EHBP1: variants seen among roughly 807,000 people sequenced by gnomAD.
EHBP1 encodes the protein EH domain-binding protein 1.
In EHBP1, 55 loss-of-function variants were observed where a neutral mutation model predicts 144.0. The observed-to-expected ratio is 0.38, with a 90% CI of 0.31 to 0.48. The LOEUF is 0.48. EHBP1 is among the 20% of genes least tolerant of loss of function. EHBP1 has a pLI of 0.98. For missense variants in EHBP1, 1,200 were observed against 1,364.2 expected (o/e 0.88, Z 1.90); for synonymous variants, 469 against 472.7 (o/e 0.99, Z 0.10).
At chr2:62,944,476 G>GTAGCTTAGGTA (rs2056952360) in intron 12 of EHBP1, among the ~76,000 whole-genome samples, 1 of 152,138 alleles carries the variant, frequency 6.6e-6, no homozygotes, top group African/African-American at 2.4e-5. Flanking sequence ...GTGCAGCTTT[G>GTAGCTTAGGTA]TAGCTTAGGT....
chr2:62,930,489 A>G (rs572741537), intron 10 of EHBP1, among the ~76,000 whole-genome samples: 4 of 152,360 alleles, frequency 2.6e-5, no homozygotes, highest in South Asian at 4.1e-4. Flanking sequence ...ATTCTTATAA[A>G]GATCCCAATA....
chr2:62,916,420 C>G (rs1477097573), intron 10 of EHBP1, among the ~76,000 whole-genome samples: 1 of 151,640 alleles, frequency 6.6e-6, no homozygotes, highest in Non-Finnish European at 1.5e-5. Flanking sequence ...GGTGAAACTC[C>G]AGCTCTACTA....
chr2:62,864,833 C>T lies in EHBP1; in HGVS notation c.860C>T (p.Pro287Leu), dbSNP rs1350460439. ...KEVQTPQYLNPFDEPEAFVTI... is the reference protein window; with the variant it reads ...KEVQTPQYLNLFDEPEAFVTI... ...GTGCAGACTCCACAGTATTTGAACCCATTCGATGAGCCAGAAGCATTTGTG... is the reference window on the plus strand; with the variant it reads ...GTGCAGACTCCACAGTATTTGAACCTATTCGATGAGCCAGAAGCATTTGTG... Residue 287 changes from proline (P) to leucine (L), a missense_variant, in exon 9 of 23, where the codon CCA becomes CTA. This residue lies in a region of EHBP1 where 266 missense variants were observed against 262.4 expected (regional missense o/e 1.01). Transcript: ENST00000431489. The T allele has an allele frequency of 3.1e-6, 5 of 1,614,050 alleles. No individual in the cohort carries two copies. The South Asian group carries it at 3.3e-5, about 11-fold the overall frequency.
intron 10 of EHBP1, among the ~76,000 whole-genome samples, chr2:62,900,749 A>G (rs2152944615): frequency 6.7e-6 from 1 of 150,038 alleles, no homozygotes; most frequent in Admixed American, 6.6e-5. Flanking sequence ...TCAAGATTTG[A>G]GAAATTATAG....
At chr2:62,928,490 G>GGA (rs2055712748) in intron 10 of EHBP1, among the ~76,000 whole-genome samples, 1 of 151,944 alleles carries the variant, frequency 6.6e-6, no homozygotes, top group South Asian at 2.1e-4. Flanking sequence ...ATAACAAAGA[G>GGA]GACAGCATTC....
intron 15 of EHBP1, among the ~76,000 whole-genome samples, chr2:62,990,429 A>T (rs182044871): frequency 6.6e-6 from 1 of 152,282 alleles, no homozygotes; most frequent in Admixed American, 6.5e-5. Context: ...TGCTTATATA[A>T]ATGTATACAT....
chr2:62,723,041 G>C (rs977403509), intron 2 of EHBP1, among the ~76,000 whole-genome samples: 3 of 152,272 alleles, frequency 2.0e-5, no homozygotes, highest in East Asian at 1.9e-4. Flanking sequence ...CCAGTGCTGG[G>C]TTCAGGTCCT....
intron 10 of EHBP1, among the ~76,000 whole-genome samples, chr2:62,931,986 G>A (rs186788314): frequency 9.8e-4 from 149 of 152,064 alleles, no homozygotes; most frequent in Admixed American, 1.5e-3. Flanking sequence ...AGACCAGCCT[G>A]GCCAACATGG....
chr2:62,829,532 A>G (rs1422415303), intron 6 of EHBP1, among the ~76,000 whole-genome samples: 1 of 150,530 alleles, frequency 6.6e-6, no homozygotes, highest in Non-Finnish European at 1.5e-5. Flanking sequence ...TGCAAATGCC[A>G]TTATTTTGTT....
chr2:62,720,047 G>T (rs573691736), intron 2 of EHBP1, among the ~76,000 whole-genome samples: 1 of 152,300 alleles, frequency 6.6e-6, no homozygotes, highest in East Asian at 1.9e-4. Context: ...GGAAACTAGG[G>T]AGGCAGTGTC....
intron 14 of EHBP1, among the ~76,000 whole-genome samples, chr2:62,959,132 G>A (rs1006123266): frequency 1.3e-5 from 2 of 152,152 alleles, no homozygotes; most frequent in African/African-American, 4.8e-5. Context: ...CGCAGTATTT[G>A]TCTTTCTATA....
At chr2:62,869,295 A>G (rs578207452) in intron 9 of EHBP1, among the ~76,000 whole-genome samples, 2 of 152,354 alleles carry the variant, frequency 1.3e-5, no homozygotes, top group African/African-American at 4.8e-5. Context: ...TTCCATTTCT[A>G]CGTTTCAAGA....
intron 3 of EHBP1, among the ~76,000 whole-genome samples, chr2:62,758,026 A>AG (rs1052686255): frequency 2.0e-5 from 3 of 152,124 alleles, no homozygotes; most frequent in Non-Finnish European, 4.4e-5. Flanking sequence ...AAAAAAAAAA[A>AG]AAATTTACTT....
intron 2 of EHBP1, among the ~76,000 whole-genome samples, chr2:62,719,651 G>T (rs1464721364): frequency 6.6e-6 from 1 of 152,134 alleles, no homozygotes; most frequent in Non-Finnish European, 1.5e-5. Context: ...AAACAAAATT[G>T]TATCAAACAT....
chr2:62,705,256 A>G (rs565405990), upstream of EHBP1, among the ~76,000 whole-genome samples: 2 of 151,954 alleles, frequency 1.3e-5, no homozygotes, highest in Non-Finnish European at 2.9e-5. Flanking sequence ...TGAGAACAGG[A>G]GAGAAACCCA....
intron 10 of EHBP1, among the ~76,000 whole-genome samples, chr2:62,888,988 C>T (rs907303343): frequency 2.1e-5 from 3 of 142,914 alleles, no homozygotes; most frequent in Admixed American, 7.2e-5. Context: ...CATGCAAGTA[C>T]AAACTTGGCA....
intron 15 of EHBP1, among the ~76,000 whole-genome samples, chr2:62,980,627 C>T (rs1273630006): frequency 1.3e-5 from 2 of 152,016 alleles, no homozygotes; most frequent in Non-Finnish European, 2.9e-5. Flanking sequence ...TTGAAAGCTT[C>T]TTCCCCACAC....
intron 9 of EHBP1, among the ~76,000 whole-genome samples, chr2:62,865,973 C>T (rs2050003930): frequency 6.6e-6 from 1 of 152,210 alleles, no homozygotes; most frequent in Non-Finnish European, 1.5e-5. Context: ...AAAGCCCCTC[C>T]TGAGTCTTTA....
intron 21 of EHBP1, among the ~76,000 whole-genome samples, chr2:63,040,373 A>G (rs2061608082): frequency 6.6e-6 from 1 of 152,104 alleles, no homozygotes; most frequent in Admixed American, 6.6e-5. Flanking sequence ...CCCAAAACCA[A>G]TGTTATAACC....
Sources: gnomAD v4.1 joint callset for allele counts (sites outside exome capture counted in the v4.1 genomes callset) on GRCh38, gnomAD v4.1.1 for gene constraint, gnomAD v4.1.1 regional missense constraint, MANE v1.5 for transcripts, NCBI Gene and HGNC (gene_info 2026-07-23, HGNC 2026-07-21) for gene names.